LRP1B: variants seen among roughly 807,000 people sequenced by gnomAD.
LRP1B encodes low-density lipoprotein receptor-related protein 1B.
Under a neutral mutation model 556.6 loss-of-function variants are expected in LRP1B, and 217 were observed. The observed-to-expected ratio is 0.39, with a 90% confidence interval of 0.35 to 0.44. The LOEUF (loss-of-function observed/expected upper bound fraction) is 0.44. Among genes scored for constraint, LRP1B ranks in the 20% least tolerant of loss-of-function variants. LRP1B has a pLI of 1.00. For synonymous variants in LRP1B, 2,047 were observed against 1,865.8 expected (o/e 1.10, Z -2.50); for missense variants, 5,053 against 5,620.8 (o/e 0.90, Z 3.23).
intron 2 of LRP1B, among the ~76,000 whole-genome samples, chr2:141,706,087 C>A (rs149718273): frequency 1.3e-5 from 2 of 151,950 alleles, no homozygotes; most frequent in East Asian, 3.9e-4. Context: ...TAGGTAAGCT[C>A]GCATGAATAA....
intron 41 of LRP1B, among the ~76,000 whole-genome samples, chr2:140,696,972 A>C (rs998238161): frequency 9.2e-5 from 14 of 152,180 alleles, no homozygotes; most frequent in Non-Finnish European, 1.8e-4. Context: ...ACTTTCTCAT[A>C]AAATTTTCAT....
At chr2:141,586,949 A>C (rs1006544844) in intron 2 of LRP1B, among the ~76,000 whole-genome samples, 18 of 151,380 alleles carry the variant, frequency 1.2e-4, no homozygotes, top group African/African-American at 4.4e-4. Context: ...CTCAAAAAAA[A>C]AAGAAAAAAA....
chr2:140,894,457 T>G (rs1446251252), intron 23 of LRP1B, among the ~76,000 whole-genome samples: 1 of 151,378 alleles, frequency 6.6e-6, no homozygotes, highest in Non-Finnish European at 1.5e-5. Flanking sequence ...AGAAAAAAAA[T>G]TAAGACATGG....
chr2:140,959,983 T>C (rs541297768), intron 18 of LRP1B, among the ~76,000 whole-genome samples: 35 of 151,464 alleles, frequency 2.3e-4, no homozygotes, highest in African/African-American at 8.2e-4. Flanking sequence ...GTACTTTTCG[T>C]TCAGTTTCAT....
intron 3 of LRP1B, among the ~76,000 whole-genome samples, chr2:141,389,831 G>A (rs1689980796): frequency 6.6e-6 from 1 of 152,130 alleles, no homozygotes; most frequent in Non-Finnish European, 1.5e-5. Flanking sequence ...AACATTGATG[G>A]ACATTTCTTT....
chr2:140,840,242 A>G (rs865889750), intron 30 of LRP1B, among the ~76,000 whole-genome samples, 157 bp from the exon 31 acceptor site: 1 of 152,326 alleles, frequency 6.6e-6, no homozygotes, highest in Middle Eastern at 3.4e-3. Flanking sequence ...ATTTGCCAGC[A>G]ATAACCTACA....
intron 86 of LRP1B, among the ~76,000 whole-genome samples, chr2:140,250,024 T>C (rs1681337551): frequency 6.6e-6 from 1 of 151,870 alleles, no homozygotes; most frequent in Non-Finnish European, 1.5e-5. Context: ...TCAAGCAAAA[T>C]CCATATTCCA....
At chr2:140,364,980 CA>C (rs1553454696) in intron 71 of LRP1B, among the ~76,000 whole-genome samples, 197 bp from the exon 72 acceptor site, 1 of 151,168 alleles carries the variant, frequency 6.6e-6, no homozygotes, top group Non-Finnish European at 1.5e-5. Context: ...GTTGACATTT[CA>C]AAACATTCTA....
Position 140,949,552 on chromosome 2 carries a change from T to A in LRP1B, c.3136+683A>T, listed in dbSNP as rs1355886394. Among the ~76,000 whole-genome samples, 3 of 149,530 alleles carry A rather than the reference T, an allele frequency of 2.0e-5. No individual in the cohort carries two copies. In the Admixed American group the frequency reaches 2.0e-4, roughly 10 times the overall value. On this transcript the variant is annotated intron_variant, in intron 20 of 90. Coordinates refer to ENST00000389484, the MANE Select transcript of LRP1B (RefSeq NM_018557.3). ...ATTTCAAACCTCATGTAAACAAATG[T>A]TGTATGGAAATAAAAGTAAAATTAT... is the stretch of plus-strand genomic sequence containing the variant.
chr2:141,772,938 G>T (rs143832274), intron 2 of LRP1B, among the ~76,000 whole-genome samples: 377 of 152,258 alleles, frequency 2.5e-3, no homozygotes, highest in Middle Eastern at 3.4e-3. Flanking sequence ...GTCTCCTTGT[G>T]TTACCCTTCC....
At chr2:141,062,415 A>C (rs1699360921) in intron 7 of LRP1B, 142 bp from the exon 8 acceptor site, 4 of 600,812 alleles carry the variant, frequency 6.7e-6, no homozygotes, top group Non-Finnish European at 1.2e-5. Context: ...ATTTCCTTAT[A>C]ATATCACTCA....
intron 3 of LRP1B, among the ~76,000 whole-genome samples, chr2:141,371,319 G>A (rs1412244891): frequency 6.6e-6 from 1 of 152,072 alleles, no homozygotes; most frequent in Non-Finnish European, 1.5e-5. Context: ...AATGCTTCTA[G>A]CTTTGTTCAT....
chr2:142,082,662 C>G lies in LRP1B; in HGVS notation c.82+47986G>C, dbSNP rs147100566. Among the ~76,000 whole-genome samples, 36 of 152,320 alleles carry G rather than the reference C, an allele frequency of 2.4e-4. No homozygotes were observed. In the East Asian group the frequency reaches 5.2e-3, roughly 22 times the overall value. ...TGAGCATCAGGCCTGTGACACCAGA[C>G]AAGCTCAATCACTTCTCTCTCAGCT... is the stretch of plus-strand genomic sequence containing the variant. On this transcript the variant is annotated intron_variant, in intron 1 of 90. Coordinates refer to ENST00000389484, the MANE Select transcript of LRP1B (RefSeq NM_018557.3).
intron 83 of LRP1B, among the ~76,000 whole-genome samples, chr2:140,314,510 GC>G (rs1684436097): frequency 6.6e-6 from 1 of 152,094 alleles, no homozygotes; most frequent in Non-Finnish European, 1.5e-5. Flanking sequence ...GAATCAGGAT[GC>G]TATCAGATTC....
chr2:141,395,363 G>A (rs529767113), intron 3 of LRP1B, among the ~76,000 whole-genome samples: 27 of 152,024 alleles, frequency 1.8e-4, no homozygotes, highest in African/African-American at 6.5e-4. Context: ...TGATACACAA[G>A]TTCTTATTAT....
At chr2:141,022,820 G>T (rs1347075181) in intron 11 of LRP1B, among the ~76,000 whole-genome samples, 1 of 151,838 alleles carries the variant, frequency 6.6e-6, no homozygotes, top group Admixed American at 6.6e-5. Context: ...TGTATACTTT[G>T]GGATAGAGTT....
chr2:141,401,841 G>A (rs1301982315), intron 3 of LRP1B, among the ~76,000 whole-genome samples: 2 of 152,092 alleles, frequency 1.3e-5, no homozygotes, highest in African/African-American at 4.8e-5. Flanking sequence ...AATTTTTCAA[G>A]TTCTCTATGC....
Position 141,059,217 on chromosome 2 carries a change from C to T in LRP1B, c.1237-163G>A, listed in dbSNP as rs570657230. ...GAGTTCAACATTTCCCTGATTAAAA[C>T]TTTTTTTTCTGGAGAAGAAAACATT... On this transcript the variant is annotated intron_variant, in intron 8 of 90. Transcript: ENST00000389484. Among the ~76,000 whole-genome samples, 800 of 151,690 alleles carry T rather than the reference C, an allele frequency of 5.3e-3. 6 individuals are homozygous for T. Among genetic ancestry groups the T allele is most frequent in the South Asian group, 8.9e-3 (43 of 4,812 alleles).
At chr2:140,333,266 A>G (rs192471448) in intron 79 of LRP1B, among the ~76,000 whole-genome samples, 2 of 152,222 alleles carry the variant, frequency 1.3e-5, no homozygotes, top group African/African-American at 4.8e-5. Flanking sequence ...TAACTAAAAT[A>G]GTACCTCCAT....
Sources: allele counts gnomAD v4.1 joint callset (sites outside exome capture counted in the v4.1 genomes callset), GRCh38; gene constraint gnomAD v4.1.1; transcripts MANE v1.5; gene names NCBI Gene and HGNC (gene_info 2026-07-23, HGNC 2026-07-21).